Variants in ALKBH3 observed in about 807,000 individuals in gnomAD.
The protein encoded by ALKBH3 is alpha-ketoglutarate-dependent dioxygenase alkB homolog 3.
In ALKBH3, 51 loss-of-function variants were observed where a neutral mutation model predicts 43.9. That is an observed-to-expected ratio of 1.16 (90% CI 0.93 to 1.47). The LOEUF (loss-of-function observed/expected upper bound fraction) is 1.47, where lower values mean the gene tolerates loss of function less well. Ranked by LOEUF, ALKBH3 falls within the 40% of genes most tolerant of loss-of-function variation. The pLI is 0.00. For synonymous variants in ALKBH3, 102 were observed against 115.2 expected (o/e 0.89, Z 0.73); for missense variants, 361 against 351.9 (o/e 1.03, Z -0.21).
chr11:43,898,640 G>A (rs960043863), intron 7 of ALKBH3: 25 of 729,208 alleles, frequency 3.4e-5, no homozygotes, highest in South Asian at 7.3e-5. Flanking sequence ...GTGAACATGC[G>A]CCACTTATGG....
chr11:43,881,911 C>T (rs1951713885), intron 1 of ALKBH3, among the ~76,000 whole-genome samples: 1 of 152,182 alleles, frequency 6.6e-6, no homozygotes, highest in African/African-American at 2.4e-5. Flanking sequence ...TTTACTGGTA[C>T]AACTGTCAAA....
intron 8 of ALKBH3, chr11:43,910,510 C>T (rs1301851602): frequency 6.6e-6 from 1 of 152,210 alleles, no homozygotes. Flanking sequence ...ATGTGGCTTC[C>T]ACCCTGTAAT....
intron 1 of ALKBH3, among the ~76,000 whole-genome samples, chr11:43,882,093 T>A (rs937528314): frequency 2.0e-5 from 3 of 152,152 alleles, no homozygotes; most frequent in African/African-American, 7.2e-5. Flanking sequence ...ACACTGCTTG[T>A]TATAAAGACA....
Position 43,901,610 on chromosome 11 carries a change from A to G in ALKBH3, c.554A>G (p.Lys185Arg), listed in dbSNP as rs532333088. The change falls in exon 8 of 10, where the codon AAG becomes AGG. Residue 185 changes from lysine (K) to arginine (R), a missense_variant. Coordinates refer to ENST00000302708, the MANE Select transcript of ALKBH3 (RefSeq NM_139178.4). The stretch of plus-strand genomic sequence containing the variant: ...CTCTGCAATCTTTATCGCAATGAGA[A>G]GGACAGCGTGGACTGGCACAGTGAT... ...SLLCNLYRNE[K>R]DSVDWHSDDE... 1 of 1,614,254 alleles carries G rather than the reference A, an allele frequency of 6.2e-7. No individual in the cohort carries two copies. The highest frequency in any genetic ancestry group is 2.2e-5 in the East Asian group (1 of 44,880).
Position 43,892,076 on chromosome 11 carries a change from T to A in ALKBH3, c.406T>A (p.Tyr136Asn). Reference sequence around the variant, plus strand: ...TCAGCAACCAAGACTTACAGCATGGTATGGAGAACTTCCTTACACTTATTC... The same window carrying A: ...TCAGCAACCAAGACTTACAGCATGGAATGGAGAACTTCCTTACACTTATTC... Reference protein sequence around the residue: ...TYQQPRLTAWYGELPYTYSRI... With the variant: ...TYQQPRLTAWNGELPYTYSRI... Residue 136 changes from tyrosine to asparagine, a missense_variant, in exon 7 of 10, where the codon TAT becomes AAT. Tyr to Asn is a moderately radical substitution (Grantham distance 143). Coordinates refer to ENST00000302708, the MANE Select transcript of ALKBH3 (RefSeq NM_139178.4). The A allele has an allele frequency of 6.2e-7, 1 of 1,613,718 alleles. No homozygotes were observed. The highest frequency in any genetic ancestry group is 8.5e-7 in the Non-Finnish European group (1 of 1,179,622).
At chr11:43,882,889 G>A in intron 2 of ALKBH3, 158 bp downstream of exon 2, 1 of 924,366 alleles carries the variant, frequency 1.1e-6, no homozygotes, top group East Asian at 2.7e-5. Context: ...TTGATGGTGA[G>A]CTAAGGGTGG....
At chr11:43,909,095 A>G (rs1209023202) in intron 8 of ALKBH3, among the ~76,000 whole-genome samples, 2 of 152,368 alleles carry the variant, frequency 1.3e-5, no homozygotes, top group Middle Eastern at 3.4e-3. Flanking sequence ...AAAGATCTGT[A>G]TGTGCCAAGT....
At chr11:43,917,977 G>C (rs1284533472) in intron 8 of ALKBH3, among the ~76,000 whole-genome samples, 1 of 152,138 alleles carries the variant, frequency 6.6e-6, no homozygotes, top group Non-Finnish European at 1.5e-5. Flanking sequence ...GAAAATCTTT[G>C]TAAACAGTTA....
chr11:43,900,509 A>G (rs1394726035), intron 7 of ALKBH3, among the ~76,000 whole-genome samples: 4 of 152,164 alleles, frequency 2.6e-5, no homozygotes, highest in Non-Finnish European at 4.4e-5. Flanking sequence ...GGTGTGAGCC[A>G]TGTTGCCTGG....
chr11:43,908,561 T>G (rs1289324041), intron 8 of ALKBH3, among the ~76,000 whole-genome samples: 1 of 152,334 alleles, frequency 6.6e-6, no homozygotes, highest in East Asian at 1.9e-4. Context: ...TAAGTTGCAT[T>G]TTTTGGAAAT....
In ALKBH3 at chr11:43,919,934, A is replaced by T; in HGVS notation, c.785A>T (p.Glu262Val). Residue 262 changes from glutamate to valine, a missense_variant, in exon 10 of 10, where the codon GAA becomes GTA. By Grantham distance (121) the Glu-to-Val change is moderately radical. Coordinates refer to ENST00000302708, the MANE Select transcript of ALKBH3 (RefSeq NM_139178.4). ...QADWQHRVPKEYHSREPRVNL... is the reference protein window; with the variant it reads ...QADWQHRVPKVYHSREPRVNL... The stretch of plus-strand genomic sequence containing the variant: ...TCCATTTAGCATCGAGTGCCCAAAG[A>T]ATACCACTCTAGAGAACCGAGAGTG... 1 of 1,614,122 alleles carries T rather than the reference A, an allele frequency of 6.2e-7. No homozygotes were observed. Among genetic ancestry groups the T allele is most frequent in the East Asian group, 2.2e-5 (1 of 44,890 alleles).
chr11:43,907,212 A>AGT (rs34632297), intron 8 of ALKBH3, among the ~76,000 whole-genome samples: 9,700 of 149,496 alleles, frequency 0.065, 551 homozygotes, highest in Admixed American at 0.19. Flanking sequence ...AGAGAGAGAG[A>AGT]GTGTGTGTGT....
chr11:43,885,948 C>T (rs1210777000), intron 4 of ALKBH3, among the ~76,000 whole-genome samples: 2 of 152,112 alleles, frequency 1.3e-5, no homozygotes, highest in Non-Finnish European at 2.9e-5. Flanking sequence ...GAGAGTTTTC[C>T]ACTGGACCAA....
chr11:43,901,945 T>C (rs1951866806), intron 8 of ALKBH3, among the ~76,000 whole-genome samples: 1 of 152,204 alleles, frequency 6.6e-6, no homozygotes, highest in Admixed American at 6.5e-5. Context: ...TTATGCTAGG[T>C]GCTGGCGGCT....
chr11:43,919,085 G>A lies in ALKBH3; in HGVS notation c.717G>A (p.Leu239=). 6.2e-7 allele frequency: 1 copy of A among 1,613,402 alleles called. No individual in the cohort carries two copies. The highest frequency in any genetic ancestry group is 1.3e-5 in the African/African-American group (1 of 75,018). ...ATGTGGAAAGAGTGAAGATACCCTT[G>A]GATCATGGGACCTTGTTAATCATGG... is the stretch of plus-strand genomic sequence containing the variant. ...YTYVERVKIP[L]DHGTLLIMEG... The change falls in exon 9 of 10, where the codon TTG becomes TTA. Residue 239 remains leucine, a synonymous_variant. Coordinates refer to ENST00000302708, the MANE Select transcript of ALKBH3 (RefSeq NM_139178.4).
chr11:43,884,148 C>A, intron 4 of ALKBH3, 131 bp downstream of exon 4: 1 of 1,069,352 alleles, frequency 9.4e-7, no homozygotes, highest in Non-Finnish European at 1.4e-6. Context: ...TGGGATATTC[C>A]CATCTCAAAT....
intron 5 of ALKBH3, 64 bp from the exon 6 acceptor site, chr11:43,889,661 A>G (rs35076527): frequency 0.042 from 59,343 of 1,412,364 alleles, 2,834 homozygotes; most frequent in Admixed American, 0.24. Context: ...TGTTTCCACT[A>G]ACATTTAGAG....
chr11:43,895,048 A>T (rs1259284726), intron 7 of ALKBH3, among the ~76,000 whole-genome samples: 1 of 152,238 alleles, frequency 6.6e-6, no homozygotes, highest in African/African-American at 2.4e-5. Context: ...CACAACAAGG[A>T]ATTCCATCTT....
intron 7 of ALKBH3, chr11:43,899,456 A>C (rs113469936): frequency 1.4e-6 from 1 of 704,112 alleles, no homozygotes; most frequent in Non-Finnish European, 2.7e-6. Flanking sequence ...CGAGGATTTC[A>C]GAGGTTCCAT....
Sources: allele counts gnomAD v4.1 joint callset (sites outside exome capture counted in the v4.1 genomes callset), GRCh38; gene constraint gnomAD v4.1.1; transcripts MANE v1.5; gene names NCBI Gene and HGNC (gene_info 2026-07-23, HGNC 2026-07-21).